IL1RAPL2: variants seen among roughly 807,000 people sequenced by gnomAD.
The protein encoded by IL1RAPL2 is X-linked interleukin-1 receptor accessory protein-like 2.
IL1RAPL2 carries 3 observed loss-of-function variants against 44.1 expected under a neutral mutation model. The observed-to-expected ratio is 0.07, with a 90% confidence interval of 0.03 to 0.18. The LOEUF (loss-of-function observed/expected upper bound fraction) is 0.18, where lower values mean the gene tolerates loss of function less well. IL1RAPL2 is among the 10% of genes least tolerant of loss of function. The pLI is 1.00. For synonymous variants in IL1RAPL2, 181 were observed against 178.8 expected, an observed-to-expected ratio of 1.01 and a Z score of -0.10; for missense variants, 391 against 496.4, an observed-to-expected ratio of 0.79 and a Z score of 2.02.
intron 7 of IL1RAPL2, among the ~76,000 whole-genome samples, chrX:105,729,399 A>G (rs1328421868): frequency 1.8e-5 from 2 of 111,518 alleles, no homozygotes; most frequent in African/African-American, 6.5e-5. Context: ...TCATTCTAAT[A>G]GGTGTGTAGT....
intron 6 of IL1RAPL2, among the ~76,000 whole-genome samples, chrX:105,588,247 G>C (rs1016172415): frequency 2.5e-4 from 28 of 111,328 alleles, no homozygotes; most frequent in African/African-American, 8.8e-4. Flanking sequence ...GGAGGAAACT[G>C]TGTAGAAAGT....
In IL1RAPL2 at chrX:104,995,121, C is replaced by T. The variant is rs1020240079; in HGVS notation, c.83-200354C>T. Among the ~76,000 whole-genome samples the T allele has an allele frequency of 1.1e-4, 12 of 111,622 alleles. No individual in the cohort carries two copies. In the Admixed American group the frequency reaches 1.1e-3, roughly 11 times the overall value. On this transcript the variant is annotated intron_variant, in intron 2 of 10. Coordinates refer to ENST00000372582, the MANE Select transcript of IL1RAPL2 (RefSeq NM_017416.2). ...CCCACCATCACACTCTGTCCTCTTA[C>T]CATGCTTTATTCTTCTTCATAGCCC...
chrX:105,222,478 A>C (rs1293418931), intron 3 of IL1RAPL2, among the ~76,000 whole-genome samples: 3 of 112,074 alleles, frequency 2.7e-5, no homozygotes, highest in Non-Finnish European at 5.6e-5. Context: ...TATTTTATTT[A>C]TCAGCCATCA....
chrX:105,047,769 G>C (rs2031860595), intron 2 of IL1RAPL2, among the ~76,000 whole-genome samples: 1 of 111,810 alleles, frequency 8.9e-6, no homozygotes, highest in African/African-American at 3.2e-5. Flanking sequence ...GAGATATAAT[G>C]TGATGAAAAA....
intron 2 of IL1RAPL2, among the ~76,000 whole-genome samples, chrX:104,942,557 A>G (rs772175834): frequency 9.0e-6 from 1 of 111,620 alleles, no homozygotes; most frequent in Non-Finnish European, 1.9e-5. Flanking sequence ...TTATCCTGAG[A>G]CTGCTGAAGT....
At chrX:104,715,778 A>G (rs1602694138) in intron 2 of IL1RAPL2, among the ~76,000 whole-genome samples, 1 of 110,889 alleles carries the variant, frequency 9.0e-6, no homozygotes, top group East Asian at 2.8e-4. Flanking sequence ...ACTCAAAGAA[A>G]TCAGAGATGA....
intron 5 of IL1RAPL2, among the ~76,000 whole-genome samples, chrX:105,353,430 A>T (rs1383660264): frequency 2.7e-5 from 3 of 111,536 alleles, no homozygotes; most frequent in Non-Finnish European, 5.6e-5. Flanking sequence ...TTTTGGTTCC[A>T]TATGAACTTT....
chrX:105,243,607 T>A (rs1293331546), intron 4 of IL1RAPL2, among the ~76,000 whole-genome samples: 270 of 101,686 alleles, frequency 2.7e-3, no homozygotes, highest in Admixed American at 0.014. Context: ...ATATATATAT[T>A]TTTTTTTTAC....
chrX:105,114,968 G>A (rs975841224), intron 2 of IL1RAPL2, among the ~76,000 whole-genome samples: 1 of 111,984 alleles, frequency 8.9e-6, no homozygotes, highest in Non-Finnish European at 1.9e-5. Context: ...CATGATAGAA[G>A]TTCAGATGGA....
intron 5 of IL1RAPL2, among the ~76,000 whole-genome samples, chrX:105,474,182 CA>C (rs1569445385): frequency 1.8e-5 from 2 of 111,267 alleles, no homozygotes; most frequent in African/African-American, 6.5e-5. Context: ...AATATAATGT[CA>C]CAAGGATTCA....
At chrX:104,766,869 A>G (rs189820352) in intron 2 of IL1RAPL2, among the ~76,000 whole-genome samples, 5 of 112,312 alleles carry the variant, frequency 4.5e-5, no homozygotes, top group Admixed American at 3.8e-4. Context: ...TAGTGCACTG[A>G]ACAATCAACA....
rs773513066 is a variant in IL1RAPL2 at position 104,898,510 on chromosome X, G to A, written c.82+239515G>A. Among the ~76,000 whole-genome samples the A allele has an allele frequency of 2.7e-5, 3 of 112,408 alleles. No homozygotes were observed. The East Asian group carries it at 8.4e-4, about 31-fold the overall frequency. ...ATAAGAATCAGAAAAACAAAAGGCT[G>A]GGGTTAACCTTTTTCTGCATTTCTG... On this transcript the variant is annotated intron_variant, in intron 2 of 10. Transcript: ENST00000372582.
intron 2 of IL1RAPL2, among the ~76,000 whole-genome samples, chrX:105,053,887 C>A (rs1444777073): frequency 1.8e-5 from 2 of 111,678 alleles, no homozygotes; most frequent in Non-Finnish European, 1.9e-5. Flanking sequence ...GTAGTCCTAG[C>A]TATTTTGGAG....
At chrX:105,265,562 G>A (rs2034395335) in intron 4 of IL1RAPL2, among the ~76,000 whole-genome samples, 1 of 111,250 alleles carries the variant, frequency 9.0e-6, no homozygotes, top group Admixed American at 9.6e-5. Context: ...CCTAGGGAGT[G>A]AAGCAGCCTT....
chrX:105,066,832 T>C (rs1203599111), intron 2 of IL1RAPL2, among the ~76,000 whole-genome samples: 1 of 111,894 alleles, frequency 8.9e-6, no homozygotes, highest in Non-Finnish European at 1.9e-5. Flanking sequence ...AATAGAGTTC[T>C]AAAAGGAATG....
chrX:105,562,094 C>G (rs2036942451), intron 6 of IL1RAPL2, among the ~76,000 whole-genome samples: 1 of 111,234 alleles, frequency 9.0e-6, no homozygotes, highest in Non-Finnish European at 1.9e-5. Context: ...TGTCACTGAC[C>G]CGTGTTATAT....
At chrX:105,182,517 C>A (rs782045017) in intron 2 of IL1RAPL2, among the ~76,000 whole-genome samples, 10 of 111,381 alleles carry the variant, frequency 9.0e-5, no homozygotes, top group Non-Finnish European at 1.9e-4. Context: ...TTGTCTATGT[C>A]TTTATATGTG....
At chrX:104,930,541 T>A (rs1272207661) in intron 2 of IL1RAPL2, among the ~76,000 whole-genome samples, 2 of 112,126 alleles carry the variant, frequency 1.8e-5, no homozygotes, top group African/African-American at 6.5e-5. Context: ...GGTTGTATTA[T>A]TATCTCTGTT....
At chrX:105,656,321 T>C (rs1249315597) in intron 6 of IL1RAPL2, among the ~76,000 whole-genome samples, 1 of 112,267 alleles carries the variant, frequency 8.9e-6, no homozygotes, top group Non-Finnish European at 1.9e-5. Flanking sequence ...GTTCTACATA[T>C]GCATACCCCC....
Sources: gnomAD v4.1 joint callset for allele counts (sites outside exome capture counted in the v4.1 genomes callset) on GRCh38, gnomAD v4.1.1 for gene constraint, MANE v1.5 for transcripts, NCBI Gene and HGNC (gene_info 2026-07-23, HGNC 2026-07-21) for gene names.